Variants in DMWD observed in about 807,000 individuals in gnomAD.
DMWD encodes dystrophia myotonica WD repeat-containing protein.
DMWD carries 19 observed loss-of-function variants against 45.8 expected under a neutral mutation model. The observed-to-expected ratio is 0.41, with a 90% CI of 0.29 to 0.61. DMWD has a LOEUF of 0.61. Ranked by LOEUF, DMWD falls within the 20% of genes least tolerant of loss-of-function variation. DMWD has a pLI of 0.25. For synonymous variants in DMWD, 515 were observed against 440.5 expected (o/e 1.17, Z -2.12); for missense variants, 802 against 965.2 (o/e 0.83, Z 2.24).
At chr19:45,787,242 CAGG>C in intron 2 of DMWD, 1 of 308,458 alleles carries the variant, frequency 3.2e-6, no homozygotes, top group Non-Finnish European at 6.2e-6. Context: ...GGCCATGCAG[CAGG>C]AGGTGAGTGG....
intron 2 of DMWD, 47 bp from the exon 3 acceptor site, chr19:45,786,918 G>A: frequency 6.3e-7 from 1 of 1,575,880 alleles, no homozygotes; most frequent in Non-Finnish European, 8.6e-7. Context: ...GTAAAACCCA[G>A]GCAGAACTTC....
At chr19:45,784,489 A>G in intron 4 of DMWD, 152 bp downstream of exon 4, 9 of 1,360,950 alleles carry the variant, frequency 6.6e-6, no homozygotes, top group Non-Finnish European at 9.0e-6. Flanking sequence ...CCTGGCAGTC[A>G]GCACTTTCAC....
intron 4 of DMWD, 117 bp from the exon 5 acceptor site, chr19:45,784,407 C>G: frequency 7.8e-7 from 1 of 1,288,746 alleles, no homozygotes; most frequent in Admixed American, 2.7e-5. Context: ...TGGCCTTGCC[C>G]TTGGGTCCGC....
intron 1 of DMWD, 29 bp downstream of exon 1, chr19:45,792,287 C>T: frequency 6.3e-7 from 1 of 1,596,436 alleles, no homozygotes; most frequent in East Asian, 2.3e-5. Context: ...CCTTTCAGCA[C>T]CCAGGGCCCC....
Position 45,785,771 on chromosome 19 carries a change from G to A in DMWD, c.1725C>T (p.Pro575=), listed in dbSNP as rs765965554. 26 of 1,611,168 alleles carry A rather than the reference G, an allele frequency of 1.6e-5. No individual in the cohort carries two copies. The highest frequency in any genetic ancestry group is 4.4e-5 in the South Asian group (4 of 90,870). Residue 575 remains proline, a synonymous_variant, in exon 3 of 5, where the codon CCC becomes CCT. Transcript: ENST00000270223. ...SGPVPRSRLD[P]AKVLGTALCP... ...ACAGCGCAGTGCCCAGCACCTTGGC[G>A]GGGTCCAGGCGGCTGCGGGGAACAG...
Position 45,783,392 on chromosome 19 carries a change from C to T in DMWD, c.*851G>A. 2.5e-6 allele frequency: 1 copy of T among 393,644 alleles called. No homozygotes were observed. The highest frequency in any genetic ancestry group is 4.5e-6 in the Non-Finnish European group (1 of 223,502). 24.4% of individuals were successfully genotyped at this position (393,644 alleles called of 1,614,324 possible). ...GGCCTGAGAAACTAGGAGGCAAGGA[C>T]CGAGGAGTCCCAGCTGGGCAGGGCC... On this transcript the variant is annotated 3_prime_UTR_variant, in exon 5 of 5. Transcript: ENST00000270223.
chr19:45,786,668 C>A lies in DMWD; in HGVS notation c.828G>T (p.Pro276=). The A allele has an allele frequency of 6.2e-7, 1 of 1,610,568 alleles. No individual in the cohort carries two copies. Among genetic ancestry groups the A allele is most frequent in the Non-Finnish European group, 8.5e-7 (1 of 1,177,390 alleles). The change falls in exon 3 of 5, where the codon CCG becomes CCT. Residue 276 remains proline, a synonymous_variant. Coordinates refer to ENST00000270223, the MANE Select transcript of DMWD (RefSeq NM_004943.2). ...YAAKSKAPRN[P]LAKWAVGEGP... Reference sequence around the variant, plus strand: ...CCTCACCCACCGCCCACTTGGCCAGCGGGTTGCGGGGTGCCTTGCTCTTGG... The same window carrying A: ...CCTCACCCACCGCCCACTTGGCCAGAGGGTTGCGGGGTGCCTTGCTCTTGG...
chr19:45,787,166 C>G, intron 2 of DMWD: 1 of 502,614 alleles, frequency 2.0e-6, no homozygotes, highest in South Asian at 2.1e-5. Flanking sequence ...CAGAATTGTC[C>G]TGTATCTCGG....
chr19:45,792,303 G>A lies in DMWD; in HGVS notation c.441+13C>T. On this transcript the variant is annotated intron_variant, in intron 1 of 4. Transcript: ENST00000270223. ...CTTTCAGCACCCAGGGCCCCACGAT[G>A]CAGGCCGCTCACCCGTTGGCTCCCA... 6.2e-7 allele frequency: 1 copy of A among 1,603,710 alleles called. No homozygotes were observed.
At chr19:45,792,227 G>T in intron 1 of DMWD, 89 bp downstream of exon 1, 2 of 1,475,740 alleles carry the variant, frequency 1.4e-6, no homozygotes, top group South Asian at 1.3e-5. Context: ...CCTATCTCAG[G>T]GCCCCATATC....
intron 4 of DMWD, 86 bp from the exon 5 acceptor site, chr19:45,784,376 T>G: frequency 7.2e-7 from 1 of 1,388,860 alleles, no homozygotes; most frequent in Non-Finnish European, 9.7e-7. Context: ...CAGCCCAGAG[T>G]CCCCAAAGCT....
At position 45,783,403 on chromosome 19, in the gene DMWD, C is replaced by T. The variant is rs1970210709; in HGVS notation, c.*840G>A. ...CTAGGAGGCAAGGACCGAGGAGTCC[C>T]AGCTGGGCAGGGCCTGGGAAACGTG... On this transcript the variant is annotated 3_prime_UTR_variant, in exon 5 of 5. Transcript: ENST00000270223. The T allele has an allele frequency of 5.1e-6, 2 of 395,122 alleles. No individual in the cohort carries two copies. The highest frequency in any genetic ancestry group is 8.9e-6 in the Non-Finnish European group (2 of 224,520). The allele number at this position is 395,122 out of a possible 1,614,324, so 24.5% of individuals were successfully genotyped here. A position where few individuals can be genotyped will look rare whatever the true frequency, so the allele number is the denominator to read the frequency against.
In DMWD at chr19:45,792,373, G is replaced by A. The variant is rs1970365995; in HGVS notation, c.384C>T (p.Phe128=). 6.2e-7 allele frequency: 1 copy of A among 1,608,538 alleles called. No individual in the cohort carries two copies. Among genetic ancestry groups the A allele is most frequent in the African/African-American group, 1.3e-5 (1 of 74,396 alleles). Residue 128 remains phenylalanine (F), a synonymous_variant, in exon 1 of 5, where the codon TTC becomes TTT. Coordinates refer to ENST00000270223, the MANE Select transcript of DMWD (RefSeq NM_004943.2). ...AGAAATAGAGCTCACGGCCCAAGTTGAAGCAGACGCGGTCTCCCCCCGAGC... is the reference window on the plus strand; with the variant it reads ...AGAAATAGAGCTCACGGCCCAAGTTAAAGCAGACGCGGTCTCCCCCCGAGC... ...GLGSGGDRVC[F]NLGRELYFYP... is the part of the protein sequence containing the mutation.
Position 45,783,853 on chromosome 19 carries a change from C to T in DMWD, c.*390G>A. 4.3e-6 allele frequency: 2 copies of T among 461,692 alleles called. No individual in the cohort carries two copies. The highest frequency in any genetic ancestry group is 7.5e-6 in the Non-Finnish European group (2 of 264,992). 28.6% of individuals were successfully genotyped at this position (461,692 alleles called of 1,614,324 possible). A position where few individuals can be genotyped will look rare whatever the true frequency, so the allele number is the denominator to read the frequency against. On this transcript the variant is annotated 3_prime_UTR_variant, in exon 5 of 5. Transcript: ENST00000270223. ...ATAGCAAGGGCAGCTGGGGTGGGGG[C>T]CGGGCGAGGGCTGGACCACCCCCGG...
rs767756631 is a variant in DMWD, at chr19:45,784,203, G to C, written c.*40C>G. ...CAGCAGGGAGGGTTATGGCTAGGAGGCTGGGGGCATGGGGTTGGGGGGGCC... is the reference window on the plus strand; with the variant it reads ...CAGCAGGGAGGGTTATGGCTAGGAGCCTGGGGGCATGGGGTTGGGGGGGCC... On this transcript the variant is annotated 3_prime_UTR_variant, in exon 5 of 5. Coordinates refer to ENST00000270223, the MANE Select transcript of DMWD (RefSeq NM_004943.2). 9 of 1,550,196 alleles carry C rather than the reference G, an allele frequency of 5.8e-6. No individual in the cohort carries two copies. In the East Asian group the frequency reaches 2.1e-4, roughly 36 times the overall value.
chr19:45,792,572 G>T lies in DMWD; in HGVS notation c.185C>A (p.Pro62Gln), dbSNP rs1970368726. 3 of 1,255,734 alleles carry T rather than the reference G, an allele frequency of 2.4e-6. No individual in the cohort carries two copies. Among genetic ancestry groups the T allele is most frequent in the East Asian group, 8.1e-5 (2 of 24,710 alleles). 77.8% of individuals were successfully genotyped at this position (1,255,734 alleles called of 1,614,324 possible). ...ACCGGAGGCGGAGGCAGGGCCGGGC[G>T]GGGGCTGCGGTGGCTGAGGCGGCAC... Reference protein sequence around the residue: ...TPVPPQPPQPPPGPASASGPG... With the variant: ...TPVPPQPPQPQPGPASASGPG... The change falls in exon 1 of 5, where the codon CCG (proline) becomes CAG (glutamine). Residue 62 changes from proline to glutamine, a missense_variant. Coordinates refer to ENST00000270223, the MANE Select transcript of DMWD (RefSeq NM_004943.2).
In DMWD at chr19:45,784,380, C is replaced by T. The variant is rs965443288; in HGVS notation, c.1978-90G>A. 9.4e-6 allele frequency: 13 copies of T among 1,386,788 alleles called. No individual in the cohort carries two copies. The African/African-American group carries it at 1.7e-4, about 19-fold the overall frequency. 85.9% of individuals were successfully genotyped at this position (1,386,788 alleles called of 1,614,324 possible). A position where few individuals can be genotyped will look rare whatever the true frequency, so the allele number is the denominator to read the frequency against. ...GGGGAGGGAGCCAGCCCAGAGTCCC[C>T]AAAGCTGCTGCCACCCTGGCCTTGC... On this transcript the variant is annotated intron_variant, in intron 4 of 4. Coordinates refer to ENST00000270223, the MANE Select transcript of DMWD (RefSeq NM_004943.2).
At chr19:45,788,451 G>A (rs1459909469) in intron 2 of DMWD, among the ~76,000 whole-genome samples, 1 of 152,178 alleles carries the variant, frequency 6.6e-6, no homozygotes, top group African/African-American at 2.4e-5. Flanking sequence ...AATGAGAAAG[G>A]CTCCTCCACA....
chr19:45,786,117 C>T lies in DMWD; in HGVS notation c.1379G>A (p.Arg460His), dbSNP rs571413952. Reference protein sequence around the residue: ...LYPHPPLARTRTLPGTPGTTP... With the variant: ...LYPHPPLARTHTLPGTPGTTP... ...GGTGCCAGGTGTGCCAGGGAGGGTG[C>T]GGGTGCGGGCCAGGGGGGGGTGCGG... Residue 460 changes from arginine to histidine, a missense_variant, in exon 3 of 5, where the codon CGC becomes CAC. Physicochemically the swap from Arg to His is conservative, Grantham distance 29. Around this residue, in one of 9 missense-constraint regions of DMWD, gnomAD observed 303 missense variants for 332.9 expected, o/e 0.91. Transcript: ENST00000270223. 37 of 1,534,668 alleles carry T rather than the reference C, an allele frequency of 2.4e-5. No homozygotes were observed. Among genetic ancestry groups the T allele is most frequent in the African/African-American group, 2.2e-4 (16 of 73,262 alleles).
Sources: allele counts gnomAD v4.1 joint callset (sites outside exome capture counted in the v4.1 genomes callset), GRCh38; gene constraint gnomAD v4.1.1; regional missense constraint gnomAD v4.1.1; transcripts MANE v1.5; gene names NCBI Gene and HGNC (gene_info 2026-07-23, HGNC 2026-07-21).